The following PCDH15 variants were observed in gnomAD, a reference collection of about 807,000 sequenced individuals.
PCDH15 encodes the protein protocadherin-15.
PCDH15 carries 129 observed loss-of-function variants against 178.5 expected under a neutral mutation model. The observed-to-expected ratio is 0.72, with a 90% CI of 0.63 to 0.84. PCDH15 has a LOEUF of 0.84. PCDH15 is among the 40% of genes least tolerant of loss of function. PCDH15 has a pLI of 0.00. For missense variants in PCDH15, 2,230 were observed against 2,099.9 expected (o/e 1.06, Z -1.21); for synonymous variants, 800 against 732.0 (o/e 1.09, Z -1.50).
At chr10:55,194,738 A>G (rs1840036395) in intron 1 of PCDH15, among the ~76,000 whole-genome samples, 1 of 152,066 alleles carries the variant, frequency 6.6e-6, no homozygotes, top group Non-Finnish European at 1.5e-5. Flanking sequence ...ACATATACCC[A>G]GTAAAAATAA....
rs114124272 is a variant in PCDH15, at chr10:54,414,538, A to G, written c.158-35596T>C. Among the ~76,000 whole-genome samples the G allele has an allele frequency of 4.6e-3, 704 of 152,238 alleles. 5 individuals are homozygous for G. The highest frequency in any genetic ancestry group is 0.016 in the African/African-American group (663 of 41,570). On this transcript the variant is annotated intron_variant, in intron 3 of 37. Transcript: ENST00000644397. ...CATTTATTTTGAAATTAAATTTTTG[A>G]TAAAGTTAGAATTTTCAGTCAGTGA... is the stretch of plus-strand genomic sequence containing the variant.
chr10:55,067,369 T>C (rs1181424814), intron 2 of PCDH15, among the ~76,000 whole-genome samples: 1 of 152,044 alleles, frequency 6.6e-6, no homozygotes, highest in Non-Finnish European at 1.5e-5. Flanking sequence ...TCACTTAATA[T>C]AACCTCCAGT....
chr10:54,821,801 C>G (rs1362302507), intron 3 of PCDH15, among the ~76,000 whole-genome samples: 2 of 152,024 alleles, frequency 1.3e-5, no homozygotes, highest in African/African-American at 2.4e-5. Flanking sequence ...GATTCTCCAC[C>G]AAGTTTCATT....
At chr10:55,271,670 G>A (rs1388660016) in intron 1 of PCDH15, among the ~76,000 whole-genome samples, 1 of 151,994 alleles carries the variant, frequency 6.6e-6, no homozygotes, top group Non-Finnish European at 1.5e-5. Context: ...GGTCACTCCT[G>A]TACTCATCAG....
At chr10:54,092,707 T>C (rs965164965) in intron 15 of PCDH15, among the ~76,000 whole-genome samples, 11 of 152,150 alleles carry the variant, frequency 7.2e-5, no homozygotes, top group African/African-American at 2.7e-4. Flanking sequence ...CTTTGCTAGA[T>C]AGGAACCACA....
chr10:54,157,213 C>A (rs1444275431), intron 13 of PCDH15, among the ~76,000 whole-genome samples: 1 of 152,244 alleles, frequency 6.6e-6, no homozygotes, highest in Non-Finnish European at 1.5e-5. Context: ...TCTGCATTTC[C>A]CTTCTGCACT....
intron 2 of PCDH15, among the ~76,000 whole-genome samples, chr10:54,594,990 T>C (rs951918166): frequency 6.6e-6 from 1 of 152,134 alleles, no homozygotes; most frequent in Admixed American, 6.5e-5. Flanking sequence ...TAGCGCCCCA[T>C]CCCTGTGCTA....
At position 54,442,460 on chromosome 10, in the gene PCDH15, AC is replaced by A. The variant is rs1297324042; in HGVS notation, c.158-63519del. Among the ~76,000 whole-genome samples, 25 of 84,048 alleles carry A rather than the reference AC, an allele frequency of 3.0e-4. 2 individuals are homozygous for A. The highest frequency in any genetic ancestry group is 5.5e-4 in the African/African-American group (11 of 20,016). The allele number at this position is 84,048 out of a possible 152,430, so 55.1% of individuals were successfully genotyped here. A position where few individuals can be genotyped will look rare whatever the true frequency, so the allele number is the denominator to read the frequency against. ...TATATATATATATATATATATATATACAGTCTTTTTTATTATAATAAATACT... is the reference window on the plus strand; with the variant it reads ...TATATATATATATATATATATATATAAGTCTTTTTTATTATAATAAATACT... On this transcript the variant is annotated intron_variant, in intron 3 of 37. Transcript: ENST00000644397.
chr10:54,984,921 T>C (rs137996085), intron 2 of PCDH15, among the ~76,000 whole-genome samples: 201 of 152,302 alleles, frequency 1.3e-3, no homozygotes, highest in Non-Finnish European at 2.0e-3. Flanking sequence ...CTCTGTCACA[T>C]GAAACTTTGA....
intron 3 of PCDH15, among the ~76,000 whole-genome samples, chr10:54,519,547 T>C (rs1042344611): frequency 6.6e-6 from 1 of 152,122 alleles, no homozygotes; most frequent in Non-Finnish European, 1.5e-5. Context: ...AAACCACTGC[T>C]CAATGAAATA....
At chr10:55,357,578 G>A (rs1410519161) in intron 2 of PCDH15, among the ~76,000 whole-genome samples, 1 of 151,806 alleles carries the variant, frequency 6.6e-6, no homozygotes, top group South Asian at 2.1e-4. Flanking sequence ...AGAGATTTTT[G>A]GGAAAGATTG....
intron 7 of PCDH15, among the ~76,000 whole-genome samples, chr10:54,322,004 A>G (rs1201881300): frequency 6.6e-6 from 1 of 151,990 alleles, no homozygotes; most frequent in Admixed American, 6.6e-5. Context: ...CTAATTCATG[A>G]TGTTCTCCCA....
chr10:54,933,152 A>G (rs1176569116), intron 2 of PCDH15, among the ~76,000 whole-genome samples: 2 of 152,100 alleles, frequency 1.3e-5, no homozygotes, highest in Non-Finnish European at 2.9e-5. Context: ...AGACAACATC[A>G]TCTAGGTTTG....
chr10:54,477,457 A>C (rs1411717869), intron 3 of PCDH15, among the ~76,000 whole-genome samples: 1 of 152,198 alleles, frequency 6.6e-6, no homozygotes, highest in African/African-American at 2.4e-5. Context: ...ATCTCTACGC[A>C]TCTGCGTCCA....
At position 54,527,925 on chromosome 10, in the gene PCDH15, C is replaced by T. The variant is rs769442506; in HGVS notation, c.92-48G>A. On this transcript the variant is annotated intron_variant, in intron 2 of 37. Transcript: ENST00000644397. The stretch of plus-strand genomic sequence containing the variant: ...AGTAATAATTGACTGCAGGGGCACA[C>T]ACAATGAGAAAAAAATTCATTGAGA... 11 of 1,467,616 alleles carry T rather than the reference C, an allele frequency of 7.5e-6. No homozygotes were observed. The African/African-American group carries it at 1.5e-4, about 21-fold the overall frequency. The allele number at this position is 1,467,616 out of a possible 1,614,324, so 90.9% of individuals were successfully genotyped here.
chr10:54,010,844 C>A (rs1376909679), intron 20 of PCDH15, among the ~76,000 whole-genome samples: 4 of 152,182 alleles, frequency 2.6e-5, no homozygotes, highest in Non-Finnish European at 5.9e-5. Context: ...GGAACAGCCA[C>A]CCCATCTCCA....
At chr10:55,589,008 G>A (rs1255054734) in intron 2 of PCDH15, among the ~76,000 whole-genome samples, 7 of 150,662 alleles carry the variant, frequency 4.6e-5, no homozygotes, top group African/African-American at 1.7e-4. Flanking sequence ...TTGAACCCAG[G>A]AGGTGGAGGT....
intron 2 of PCDH15, among the ~76,000 whole-genome samples, chr10:55,432,451 G>A (rs1228016430): frequency 6.6e-6 from 1 of 152,164 alleles, no homozygotes; most frequent in Non-Finnish European, 1.5e-5. Flanking sequence ...TTTGGTAGCT[G>A]TTGAAAATGG....
At chr10:55,117,166 A>C (rs768855384) in intron 2 of PCDH15, among the ~76,000 whole-genome samples, 2 of 152,192 alleles carry the variant, frequency 1.3e-5, no homozygotes, top group Non-Finnish European at 2.9e-5. Context: ...CTTTTGTCAC[A>C]GGTGTCTTAG....
Sources: gnomAD v4.1 joint callset for allele counts (sites outside exome capture counted in the v4.1 genomes callset) on GRCh38, gnomAD v4.1.1 for gene constraint, MANE v1.5 for transcripts, NCBI Gene and HGNC (gene_info 2026-07-23, HGNC 2026-07-21) for gene names.